The following PMFBP1 variants were observed in gnomAD, a reference collection of about 807,000 sequenced individuals.
PMFBP1 encodes polyamine-modulated factor 1-binding protein 1.
In PMFBP1, 131 loss-of-function variants were observed where a neutral mutation model predicts 137.8. The observed-to-expected ratio is 0.95, with a 90% CI of 0.82 to 1.10. The LOEUF (loss-of-function observed/expected upper bound fraction) is 1.10, where lower values mean the gene tolerates loss of function less well. PMFBP1 is among the 50% of genes least tolerant of loss of function. PMFBP1 has a pLI of 0.00. For synonymous variants in PMFBP1, 490 were observed against 450.4 expected (o/e 1.09, Z -1.11); for missense variants, 1,199 against 1,175.4 (o/e 1.02, Z -0.29).
At chr16:72,214,196 A>G in the PMFBP1 span, among the ~76,000 whole-genome samples, 5,312 of 152,026 alleles carry the variant, frequency 0.035, 300 homozygotes, top group African/African-American at 0.12. Flanking sequence ...GTTCTTCATT[A>G]TAAGTTTTTT....
chr16:72,204,202 T>G, the PMFBP1 span, among the ~76,000 whole-genome samples: 2 of 151,844 alleles, frequency 1.3e-5, no homozygotes, highest in African/African-American at 4.8e-5. Context: ...TTTTTTTTTT[T>G]TTTGAGACAG....
At chr16:72,203,877 C>T in the PMFBP1 span, among the ~76,000 whole-genome samples, 5 of 152,184 alleles carry the variant, frequency 3.3e-5, no homozygotes, top group Admixed American at 6.5e-5. Flanking sequence ...GGACATTAAT[C>T]CCCCACTGCT....
the PMFBP1 span, among the ~76,000 whole-genome samples, chr16:72,248,729 G>A: frequency 1.3e-5 from 2 of 152,142 alleles, no homozygotes; most frequent in Admixed American, 1.3e-4. Flanking sequence ...ATTCCAGAGT[G>A]GGGCTGTCAG....
intron 17 of PMFBP1, among the ~76,000 whole-genome samples, chr16:72,123,952 A>G (rs991160824): frequency 6.6e-6 from 1 of 152,194 alleles, no homozygotes; most frequent in Non-Finnish European, 1.5e-5. Flanking sequence ...GAAGTATGCT[A>G]AGCCAATTTT....
At chr16:72,134,612 T>C (rs1318057141) in intron 9 of PMFBP1, among the ~76,000 whole-genome samples, 1 of 152,238 alleles carries the variant, frequency 6.6e-6, no homozygotes, top group African/African-American at 2.4e-5. Context: ...AGGCTACCTG[T>C]CTGACCTCAC....
At chr16:72,246,740 C>G in the PMFBP1 span, among the ~76,000 whole-genome samples, 1 of 151,944 alleles carries the variant, frequency 6.6e-6, no homozygotes, top group Non-Finnish European at 1.5e-5. Flanking sequence ...CCCTTCTTAA[C>G]GAGGAAGCTT....
At chr16:72,237,196 T>C in the PMFBP1 span, among the ~76,000 whole-genome samples, 2 of 152,154 alleles carry the variant, frequency 1.3e-5, no homozygotes, top group African/African-American at 4.8e-5. Flanking sequence ...AAATTCTTTG[T>C]GGGATGACAT....
chr16:72,236,988 TTCAA>T, the PMFBP1 span, among the ~76,000 whole-genome samples: 1 of 152,164 alleles, frequency 6.6e-6, no homozygotes, highest in Non-Finnish European at 1.5e-5. Context: ...CAAAGTCTTA[TTCAA>T]TCACATTTCA....
chr16:72,181,068 G>A (rs531457563), upstream of PMFBP1, among the ~76,000 whole-genome samples: 1 of 151,986 alleles, frequency 6.6e-6, no homozygotes, highest in South Asian at 2.1e-4. Flanking sequence ...GTGAAACCCC[G>A]TCTCTACTAA....
intron 5 of PMFBP1, among the ~76,000 whole-genome samples, chr16:72,145,258 GA>G (rs1176152550): frequency 2.0e-5 from 3 of 152,176 alleles, no homozygotes; most frequent in African/African-American, 7.2e-5. Context: ...CATGGAAACT[GA>G]ACAACCTGCT....
At chr16:72,124,514 T>A (rs1567619735) in intron 17 of PMFBP1, among the ~76,000 whole-genome samples, 2 of 152,132 alleles carry the variant, frequency 1.3e-5, no homozygotes, top group Non-Finnish European at 2.9e-5. Flanking sequence ...AGGTCAGGGG[T>A]AGCTGGTGTA....
At chr16:72,133,032 G>A in intron 9 of PMFBP1, 41 bp from the exon 10 acceptor site, 1 of 1,605,512 alleles carries the variant, frequency 6.2e-7, no homozygotes, top group Non-Finnish European at 8.5e-7. Context: ...AGGTCTGAGT[G>A]GCAGTGGGTG....
At chr16:72,140,686 T>C in intron 5 of PMFBP1, 104 bp from the exon 6 acceptor site, 1 of 1,028,432 alleles carries the variant, frequency 9.7e-7, no homozygotes, top group South Asian at 1.6e-5. Context: ...TAAAGGTATA[T>C]GTTCATATAT....
intron 15 of PMFBP1, 114 bp downstream of exon 15, chr16:72,125,854 T>G: frequency 9.1e-5 from 119 of 1,314,410 alleles, no homozygotes; most frequent in Non-Finnish European, 1.2e-4. Flanking sequence ...CACAAGGGTT[T>G]GAGATGGCCC....
At chr16:72,172,340 ACCGT>A (rs2043230201), upstream of PMFBP1, 1 of 151,468 alleles carries the variant, frequency 6.6e-6, no homozygotes, top group Non-Finnish European at 1.5e-5. Flanking sequence ...GTGGCTTACG[ACCGT>A]GAAGGTTTAT....
the PMFBP1 span, among the ~76,000 whole-genome samples, chr16:72,187,508 T>C: frequency 2.6e-5 from 4 of 152,198 alleles, no homozygotes; most frequent in Admixed American, 2.0e-4. Context: ...GGTGAGATGA[T>C]GGTAGGGCTG....
rs1365726647 is a variant in PMFBP1, at chr16:72,129,168, C to T, written c.1848G>A (p.Leu616=). 3 of 1,614,196 alleles carry T rather than the reference C, an allele frequency of 1.9e-6. No individual in the cohort carries two copies. The highest frequency in any genetic ancestry group is 1.1e-5 in the South Asian group (1 of 91,090). The change falls in exon 13 of 21, where the codon CTG becomes CTA. Residue 616 remains leucine (L), a synonymous_variant. Transcript: ENST00000237353. ...EEDLQEATKL[L]EDKREQLKKS... ...TCTTCAACTGCTCCCGTTTGTCCTCCAGAAGCTTTGTGGCCTCCTGAAGAT... is the reference window on the plus strand; with the variant it reads ...TCTTCAACTGCTCCCGTTTGTCCTCTAGAAGCTTTGTGGCCTCCTGAAGAT...
At chr16:72,158,077 G>C (rs1018381481) in intron 3 of PMFBP1, among the ~76,000 whole-genome samples, 1 of 152,184 alleles carries the variant, frequency 6.6e-6, no homozygotes, top group Non-Finnish European at 1.5e-5. Flanking sequence ...AGGTAAAGGA[G>C]GCTTAACCCA....
chr16:72,124,181 T>C (rs1367917343), intron 17 of PMFBP1, among the ~76,000 whole-genome samples: 7 of 152,134 alleles, frequency 4.6e-5, no homozygotes, highest in Non-Finnish European at 1.5e-5. Flanking sequence ...CAGCTAACAT[T>C]TAAACTTATT....
Sources: gnomAD v4.1 joint callset for allele counts (sites outside exome capture counted in the v4.1 genomes callset) on GRCh38, gnomAD v4.1.1 for gene constraint, MANE v1.5 for transcripts, NCBI Gene and HGNC (gene_info 2026-07-23, HGNC 2026-07-21) for gene names.